NOS1AP: variants seen among roughly 807,000 people sequenced by gnomAD.
NOS1AP encodes the protein carboxyl-terminal PDZ ligand of neuronal nitric oxide synthase protein.
A neutral mutation model predicts 56.2 loss-of-function variants in NOS1AP; 21 were observed. The ratio of observed to expected loss-of-function variants is 0.37; its 90% CI spans 0.26 to 0.54. NOS1AP has a LOEUF of 0.54. NOS1AP is among the 20% of genes least tolerant of loss of function. NOS1AP has a pLI of 0.84. For synonymous variants in NOS1AP, 270 were observed against 274.6 expected, an observed-to-expected ratio of 0.98 and a Z score of 0.17; for missense variants, 522 against 657.8, an observed-to-expected ratio of 0.79 and a Z score of 2.26.
chr1:162,177,682 A>G (rs1415343062), intron 2 of NOS1AP, among the ~76,000 whole-genome samples: 1 of 152,158 alleles, frequency 6.6e-6, no homozygotes, highest in Non-Finnish European at 1.5e-5. Flanking sequence ...CTATTTTTTA[A>G]AAAAGTAGTA....
chr1:162,229,300 T>TTAG lies in NOS1AP; in HGVS notation c.178-58043_178-58041dup, dbSNP rs1557840708. ...CAACTCTTGGTTAGTAAGATACTGG[T>TTAG]TAGATGTCTGTAGGGGAGAGAGGAA... On this transcript the variant is annotated intron_variant, in intron 2 of 9. Coordinates refer to ENST00000361897, the MANE Select transcript of NOS1AP (RefSeq NM_014697.3). Among the ~76,000 whole-genome samples, 19 of 152,248 alleles carry TTAG rather than the reference T, an allele frequency of 1.2e-4. 1 individual carries two copies. The South Asian group carries it at 3.9e-3, about 32-fold the overall frequency.
chr1:162,325,192 A>G (rs563489704), intron 4 of NOS1AP, among the ~76,000 whole-genome samples: 3 of 152,366 alleles, frequency 2.0e-5, no homozygotes, highest in Admixed American at 2.0e-4. Context: ...AGCCCTGTAT[A>G]TACAGTGGGG....
intron 1 of NOS1AP, among the ~76,000 whole-genome samples, chr1:162,091,762 A>G (rs1370673099): frequency 6.6e-6 from 1 of 152,166 alleles, no homozygotes; most frequent in Admixed American, 6.5e-5. Context: ...CCCACTCCTC[A>G]AAGAGAGAGG....
chr1:162,109,543 G>A (rs12758736), intron 1 of NOS1AP, among the ~76,000 whole-genome samples: 14,204 of 152,130 alleles, frequency 0.093, 951 homozygotes, highest in South Asian at 0.25. Flanking sequence ...TGTTGGTGGT[G>A]ACTGAAACTG....
At chr1:162,192,187 T>C (rs1368447461) in intron 2 of NOS1AP, among the ~76,000 whole-genome samples, 1 of 152,168 alleles carries the variant, frequency 6.6e-6, no homozygotes, top group African/African-American at 2.4e-5. Context: ...CCCAGCAATC[T>C]GTGTTTGACA....
chr1:162,182,845 A>G (rs1198312182), intron 2 of NOS1AP, among the ~76,000 whole-genome samples: 2 of 152,190 alleles, frequency 1.3e-5, no homozygotes, highest in Admixed American at 6.5e-5. Context: ...TTACATGTGC[A>G]GTTACTTCCT....
intron 2 of NOS1AP, among the ~76,000 whole-genome samples, chr1:162,194,961 C>T (rs1273085948): frequency 2.0e-5 from 3 of 152,100 alleles, no homozygotes; most frequent in Non-Finnish European, 4.4e-5. Flanking sequence ...ATTGCATTAA[C>T]CCTATCCAGT....
intron 1 of NOS1AP, among the ~76,000 whole-genome samples, chr1:162,083,840 G>A (rs1354562701): frequency 2.0e-5 from 3 of 152,178 alleles, no homozygotes; most frequent in Non-Finnish European, 4.4e-5. Flanking sequence ...GGGCCTGAGT[G>A]TCTTTACCAA....
intron 2 of NOS1AP, among the ~76,000 whole-genome samples, chr1:162,272,999 C>A (rs1654627864): frequency 6.6e-6 from 1 of 152,046 alleles, no homozygotes. Flanking sequence ...GGATGACCTT[C>A]ATGGGTGTCC....
chr1:162,357,171 C>T, intron 8 of NOS1AP, 35 bp downstream of exon 8: 1 of 1,594,798 alleles, frequency 6.3e-7, no homozygotes. Context: ...TCGCAGGCTC[C>T]ACTCTCATGG....
At chr1:162,322,021 G>T (rs436239) in intron 4 of NOS1AP, among the ~76,000 whole-genome samples, 36,969 of 152,006 alleles carry the variant, frequency 0.24, 5,614 homozygotes, top group Non-Finnish European at 0.35. Flanking sequence ...CAATATATCC[G>T]TGTAACAAAC....
intron 2 of NOS1AP, among the ~76,000 whole-genome samples, chr1:162,278,440 C>G (rs187908643): frequency 6.6e-6 from 1 of 152,290 alleles, no homozygotes; most frequent in East Asian, 1.9e-4. Context: ...ATTGTTTAAC[C>G]TAACTTCACA....
At chr1:162,173,084 A>G (rs974172899) in intron 2 of NOS1AP, among the ~76,000 whole-genome samples, 4 of 152,160 alleles carry the variant, frequency 2.6e-5, no homozygotes, top group Non-Finnish European at 5.9e-5. Context: ...GGGTGCTACC[A>G]TGCCCAGCTA....
chr1:162,152,295 G>T (rs933313369), intron 1 of NOS1AP, among the ~76,000 whole-genome samples: 1 of 152,188 alleles, frequency 6.6e-6, no homozygotes, highest in African/African-American at 2.4e-5. Context: ...CGGTCCTGTG[G>T]CCCTAGCTCT....
chr1:162,365,137 G>C, intron 8 of NOS1AP: 1 of 1,401,994 alleles, frequency 7.1e-7, no homozygotes, highest in Non-Finnish European at 9.3e-7. Context: ...GCTCTTTCCT[G>C]CCTCTTGCCC....
chr1:162,264,464 TCCTCCCCTCCCCTCCCCTCCCCTCTC>T (rs1557855333), intron 2 of NOS1AP, among the ~76,000 whole-genome samples: 7 of 404 alleles, frequency 0.017, no homozygotes, highest in Admixed American at 0.033. Context: ...TCTTCTCTTC[TCCTCCCCTCCCCTCCCCTCCCCTCTC>T]CTCCTCTCCT....
intron 2 of NOS1AP, among the ~76,000 whole-genome samples, chr1:162,243,486 C>T (rs1243116634): frequency 2.0e-5 from 3 of 152,104 alleles, no homozygotes; most frequent in Admixed American, 2.0e-4. Flanking sequence ...CAACTATGGC[C>T]CTGACCTTAT....
At chr1:162,108,272 T>C (rs1428785423) in intron 1 of NOS1AP, among the ~76,000 whole-genome samples, 1 of 152,198 alleles carries the variant, frequency 6.6e-6, no homozygotes, top group Non-Finnish European at 1.5e-5. Context: ...CCCAGGGTCA[T>C]GTTGTAGAAG....
Position 162,188,641 on chromosome 1 carries a change from A to C in NOS1AP, c.177+34165A>C, listed in dbSNP as rs141387891. On this transcript the variant is annotated intron_variant, in intron 2 of 9. Transcript: ENST00000361897. The surrounding 1 kb of genome is among the most constrained non-coding windows in gnomAD (Gnocchi z 4.0). Reference sequence around the variant, plus strand: ...TGGAAAAAGTGACAGAGGTGCTTTGAATGTGGGCTGCATGTGTAGTGGTCT... The same window carrying C: ...TGGAAAAAGTGACAGAGGTGCTTTGCATGTGGGCTGCATGTGTAGTGGTCT... 2.2e-4 allele frequency among the ~76,000 whole-genome samples: 33 copies of C among 152,312 alleles called. No individual in the cohort carries two copies. The East Asian group carries it at 6.4e-3, about 29-fold the overall frequency.
Sources: gnomAD v4.1 joint callset for allele counts (sites outside exome capture counted in the v4.1 genomes callset) on GRCh38, gnomAD v4.1.1 for gene constraint, Gnocchi (gnomAD v3.1) non-coding constraint, MANE v1.5 for transcripts, NCBI Gene and HGNC (gene_info 2026-07-23, HGNC 2026-07-21) for gene names.